The following NUBPL variants were observed in gnomAD, a reference collection of about 807,000 sequenced individuals.
The protein encoded by NUBPL is NUBP iron-sulfur cluster assembly factor, mitochondrial, also known as iron-sulfur cluster transfer protein NUBPL.
A neutral mutation model predicts 45.7 loss-of-function variants in NUBPL; 31 were observed. That is an observed-to-expected ratio of 0.68 (90% CI 0.51 to 0.92). The LOEUF is 0.92. Ranked by LOEUF, NUBPL falls within the 40% of genes least tolerant of loss-of-function variation. The probability of loss-of-function intolerance (pLI) is 0.00; values close to 1 mark genes in which losing one functional copy is unlikely to be tolerated. For missense variants in NUBPL, 401 were observed against 398.7 expected, an observed-to-expected ratio of 1.01 and a Z score of -0.05; for synonymous variants, 144 against 140.9, an observed-to-expected ratio of 1.02 and a Z score of -0.15.
chr14:31,721,306 A>G (rs1481397707), intron 6 of NUBPL, among the ~76,000 whole-genome samples: 2 of 152,190 alleles, frequency 1.3e-5, no homozygotes, highest in African/African-American at 4.8e-5. Context: ...CATAAGGCCA[A>G]CATTTACTGA....
chr14:31,595,905 ATTTT>A (rs34594633), intron 3 of NUBPL, among the ~76,000 whole-genome samples: 2 of 135,372 alleles, frequency 1.5e-5, no homozygotes, highest in Admixed American at 7.4e-5. Flanking sequence ...ATGGACACTG[ATTTT>A]TTTTTTTTTT....
chr14:31,585,161 TTCCTGGGCCACATTGGAAGAAGAATTG>T (rs2033962957), intron 3 of NUBPL, among the ~76,000 whole-genome samples: 3 of 152,216 alleles, frequency 2.0e-5, no homozygotes, highest in African/African-American at 4.8e-5. Context: ...TCTTTTGGCT[TTCCTGGGCCACATTGGAAGAAGAATTG>T]TCTTGGGCCA....
chr14:31,590,545 A>G (rs370473788), intron 3 of NUBPL, among the ~76,000 whole-genome samples: 2 of 152,186 alleles, frequency 1.3e-5, no homozygotes. Flanking sequence ...GCTTTTCTTT[A>G]GAAGAGCTGC....
intron 6 of NUBPL, among the ~76,000 whole-genome samples, chr14:31,690,427 C>T (rs1480438647): frequency 6.6e-6 from 1 of 152,132 alleles, no homozygotes; most frequent in African/African-American, 2.4e-5. Flanking sequence ...TGCCCCTGGC[C>T]ACCCAGAACC....
At chr14:31,589,585 G>A (rs1566431231) in intron 3 of NUBPL, among the ~76,000 whole-genome samples, 1 of 152,062 alleles carries the variant, frequency 6.6e-6, no homozygotes, top group East Asian at 1.9e-4. Flanking sequence ...GTATAATAGA[G>A]GGGTGAAAGT....
chr14:31,740,238 A>G lies in NUBPL; in HGVS notation c.514-47542A>G, dbSNP rs1395484235. ...TTTTGTAAGAAACCGCCTGTCTTCC[A>G]AAGTGGCTGTACCAATTTGCATCCC... On this transcript the variant is annotated intron_variant, in intron 6 of 10. Coordinates refer to ENST00000281081, the MANE Select transcript of NUBPL (RefSeq NM_025152.3). Among the ~76,000 whole-genome samples, 3 of 152,292 alleles carry G rather than the reference A, an allele frequency of 2.0e-5. No homozygotes were observed. The East Asian group carries it at 5.8e-4, about 29-fold the overall frequency.
Position 31,562,075 on chromosome 14 carries a change from G to A in NUBPL, c.116G>A (p.Gly39Asp), listed in dbSNP as rs770192071. ...TATTATTATTTTTTAAAGTTGTCTG[G>A]CGCCGGGAGTGAGACCCTAAAACAA... Reference protein sequence around the residue: ...RAMVCGRQLSGAGSETLKQRR... With the variant: ...RAMVCGRQLSDAGSETLKQRR... Residue 39 changes from glycine (G) to aspartate (D), a missense_variant, in exon 2 of 11, where the codon GGC becomes GAC. Coordinates refer to ENST00000281081, the MANE Select transcript of NUBPL (RefSeq NM_025152.3). 59 of 1,595,804 alleles carry A rather than the reference G, an allele frequency of 3.7e-5. No individual in the cohort carries two copies. Among genetic ancestry groups the A allele is most frequent in the Non-Finnish European group, 4.9e-5 (57 of 1,170,482 alleles).
intron 6 of NUBPL, among the ~76,000 whole-genome samples, chr14:31,741,235 A>C (rs925312056): frequency 6.6e-6 from 1 of 152,154 alleles, no homozygotes; most frequent in African/African-American, 2.4e-5. Context: ...TTAGTAAGGT[A>C]TGGGCAAGTG....
intron 6 of NUBPL, among the ~76,000 whole-genome samples, chr14:31,779,705 A>G (rs571487429): frequency 6.6e-6 from 1 of 152,240 alleles, no homozygotes; most frequent in Non-Finnish European, 1.5e-5. Flanking sequence ...ATTCAGTTCA[A>G]TCTACAGATA....
At position 31,850,185 on chromosome 14, in the gene NUBPL, A is replaced by G. The variant is rs1827084701; in HGVS notation, c.881A>G (p.Gln294Arg). 1 of 1,613,516 alleles carries G rather than the reference A, an allele frequency of 6.2e-7. No individual in the cohort carries two copies. Among genetic ancestry groups the G allele is most frequent in the African/African-American group, 1.3e-5 (1 of 74,918 alleles). The change falls in exon 10 of 11, where the codon CAG becomes CGG. Residue 294 changes from glutamine (Q) to arginine (R), a missense_variant. Transcript: ENST00000281081. ...SDTGQPIVFS[Q>R]PESDEAKAYL... is the part of the protein sequence containing the mutation. Reference sequence around the variant, plus strand: ...ACAGGCCAGCCAATTGTGTTTTCACAGCCTGAAAGTGATGAGGTAAGTTCC... The same window carrying G: ...ACAGGCCAGCCAATTGTGTTTTCACGGCCTGAAAGTGATGAGGTAAGTTCC...
rs558510995 is a variant in NUBPL at position 31,746,630 on chromosome 14, G to A, written c.514-41150G>A. 6.6e-4 allele frequency among the ~76,000 whole-genome samples: 101 copies of A among 152,016 alleles called. 1 individual carries two copies. Among genetic ancestry groups the A allele is most frequent in the African/African-American group, 1.5e-3 (60 of 41,348 alleles). ...TACATCTATGCTCATCAGGGATATT[G>A]GCCTGTAGTTTTGCTTTTTTGTTGT... On this transcript the variant is annotated intron_variant, in intron 6 of 10. Transcript: ENST00000281081.
chr14:31,618,942 A>G (rs1566451822), intron 4 of NUBPL, among the ~76,000 whole-genome samples: 1 of 152,170 alleles, frequency 6.6e-6, no homozygotes, highest in African/African-American at 2.4e-5. Flanking sequence ...GTATGTCTCT[A>G]AGAACTTGCT....
intron 6 of NUBPL, among the ~76,000 whole-genome samples, chr14:31,741,221 G>A (rs569820676): frequency 2.2e-4 from 34 of 152,238 alleles, no homozygotes; most frequent in Middle Eastern, 6.8e-3. Context: ...CTTTAAATAG[G>A]TTTTTAGTAA....
At chr14:31,720,674 A>G (rs938727214) in intron 6 of NUBPL, among the ~76,000 whole-genome samples, 1 of 152,216 alleles carries the variant, frequency 6.6e-6, no homozygotes, top group Non-Finnish European at 1.5e-5. Context: ...TGTGCTGTCC[A>G]ATACAGTAAC....
At chr14:31,596,565 A>G (rs540254304) in intron 3 of NUBPL, among the ~76,000 whole-genome samples, 14 of 152,194 alleles carry the variant, frequency 9.2e-5, no homozygotes, top group Non-Finnish European at 1.8e-4. Flanking sequence ...TGATGCTACA[A>G]TGGTAATGTT....
intron 8 of NUBPL, among the ~76,000 whole-genome samples, chr14:31,832,905 A>G (rs565801168): frequency 1.3e-5 from 2 of 152,250 alleles, no homozygotes; most frequent in Non-Finnish European, 2.9e-5. Flanking sequence ...AAGATAATGC[A>G]TATAAATGGC....
At chr14:31,599,107 A>G (rs2034356504) in intron 3 of NUBPL, 182 bp from the exon 4 acceptor site, 3 of 636,856 alleles carry the variant, frequency 4.7e-6, no homozygotes, top group East Asian at 2.8e-5. Context: ...ACCCTAAGCA[A>G]TTTATGCTCT....
At chr14:31,830,747 A>G (rs1249734317) in intron 8 of NUBPL, among the ~76,000 whole-genome samples, 2 of 152,224 alleles carry the variant, frequency 1.3e-5, no homozygotes, top group Admixed American at 1.3e-4. Flanking sequence ...GTTACCTGGC[A>G]TATAGCAGGC....
rs2035429781 is a variant in NUBPL, at chr14:31,634,388, T to A, written c.382+35009T>A. Among the ~76,000 whole-genome samples, 7 of 151,920 alleles carry A rather than the reference T, an allele frequency of 4.6e-5. No homozygotes were observed. In the South Asian group the frequency reaches 1.5e-3, roughly 32 times the overall value. Reference sequence around the variant, plus strand: ...TTTACTGAGAATAATGATTTCCAATTTCATCCATGTCCCTACAAAGGACAT... The same window carrying A: ...TTTACTGAGAATAATGATTTCCAATATCATCCATGTCCCTACAAAGGACAT... On this transcript the variant is annotated intron_variant, in intron 4 of 10. Transcript: ENST00000281081.
Sources: gnomAD v4.1 joint callset for allele counts (sites outside exome capture counted in the v4.1 genomes callset) on GRCh38, gnomAD v4.1.1 for gene constraint, MANE v1.5 for transcripts, NCBI Gene and HGNC (gene_info 2026-07-23, HGNC 2026-07-21) for gene names.